Variants in PHACTR1 observed in about 807,000 individuals in gnomAD.
The protein encoded by PHACTR1 is phosphatase and actin regulator 1.
PHACTR1 carries 16 observed loss-of-function variants against 69.2 expected under a neutral mutation model. The observed-to-expected ratio is 0.23, with a 90% CI of 0.16 to 0.35. PHACTR1 has a LOEUF of 0.35. PHACTR1 is among the 10% of genes least tolerant of loss of function. PHACTR1 has a pLI of 1.00. For missense variants in PHACTR1, 510 were observed against 734.7 expected, an observed-to-expected ratio of 0.69 and a Z score of 3.54; for synonymous variants, 312 against 284.5, an observed-to-expected ratio of 1.10 and a Z score of -0.97.
intron 4 of PHACTR1, among the ~76,000 whole-genome samples, chr6:12,780,249 C>CTGTGTGTGTGTGTG (rs71552713): frequency 6.1e-5 from 9 of 147,452 alleles, no homozygotes; most frequent in African/African-American, 2.3e-4. Flanking sequence ...TATCTTTTCT[C>CTGTGTGTGTGTGTG]TGTGTGTGTG....
intron 4 of PHACTR1, among the ~76,000 whole-genome samples, chr6:12,885,182 G>T (rs1363836610): frequency 6.6e-6 from 1 of 152,176 alleles, no homozygotes; most frequent in Non-Finnish European, 1.5e-5. Context: ...AAGGTCCCGT[G>T]GAACTGCCTT....
intron 5 of PHACTR1, among the ~76,000 whole-genome samples, chr6:13,097,076 T>G (rs13200673): frequency 6.6e-6 from 1 of 152,126 alleles, no homozygotes; most frequent in Non-Finnish European, 1.5e-5. Flanking sequence ...GGAAACATAA[T>G]GCAAATTTTG....
At chr6:13,126,853 T>C (rs1408613501) in intron 5 of PHACTR1, among the ~76,000 whole-genome samples, 1 of 152,258 alleles carries the variant, frequency 6.6e-6, no homozygotes, top group Non-Finnish European at 1.5e-5. Flanking sequence ...GTCAAAACTT[T>C]ACTATATACA....
intron 10 of PHACTR1, among the ~76,000 whole-genome samples, chr6:13,258,030 T>G (rs555922748): frequency 1.3e-5 from 2 of 152,132 alleles, no homozygotes; most frequent in East Asian, 1.9e-4. Context: ...CAGTGCAGGT[T>G]TGAATTACCT....
rs1488785449 is a variant in PHACTR1 at position 13,260,426 on chromosome 6, G to A, written c.1392-12434G>A. 7.2e-5 allele frequency among the ~76,000 whole-genome samples: 11 copies of A among 152,138 alleles called. 1 individual carries two copies. The highest frequency in any genetic ancestry group is 1.3e-4 in the Non-Finnish European group (9 of 68,034). On this transcript the variant is annotated intron_variant, in intron 10 of 14. Coordinates refer to ENST00000332995, the MANE Select transcript of PHACTR1 (RefSeq NM_030948.6). The stretch of plus-strand genomic sequence containing the variant: ...GGAGTGAATTCAAGCATTATTCTTA[G>A]CGCAATGTCAGGCGGTGGAAGGCTG...
At chr6:12,905,053 T>C (rs1785578259) in intron 4 of PHACTR1, among the ~76,000 whole-genome samples, 1 of 152,176 alleles carries the variant, frequency 6.6e-6, no homozygotes, top group South Asian at 2.1e-4. Flanking sequence ...TCCATGTTTC[T>C]CAACCCTGCA....
At position 12,774,873 on chromosome 6, in the gene PHACTR1, A is replaced by G. The variant is rs540707487; in HGVS notation, c.250+25083A>G. Among the ~76,000 whole-genome samples, 4 of 152,340 alleles carry G rather than the reference A, an allele frequency of 2.6e-5. No individual in the cohort carries two copies. The South Asian group carries it at 8.3e-4, about 32-fold the overall frequency. The stretch of plus-strand genomic sequence containing the variant: ...TGGTGCCAGATCCAGTTAAGTTTTT[A>G]AAAGGCAAAGCCATTTCCAAATAAA... On this transcript the variant is annotated intron_variant, in intron 4 of 14. Coordinates refer to ENST00000332995, the MANE Select transcript of PHACTR1 (RefSeq NM_030948.6).
chr6:12,828,828 G>A (rs1777092754), intron 4 of PHACTR1, among the ~76,000 whole-genome samples: 1 of 152,172 alleles, frequency 6.6e-6, no homozygotes, highest in Non-Finnish European at 1.5e-5. Flanking sequence ...GTGGGGTGGG[G>A]TGGTTACGGA....
chr6:12,938,275 G>C (rs1249267136), intron 4 of PHACTR1, among the ~76,000 whole-genome samples: 6 of 152,096 alleles, frequency 3.9e-5, no homozygotes, highest in Non-Finnish European at 8.8e-5. Context: ...ACTCACCAAA[G>C]GTTACACAGA....
At position 12,847,944 on chromosome 6, in the gene PHACTR1, C is replaced by T. The variant is rs116556109; in HGVS notation, c.250+98154C>T. ...AGGTTTTGAAAATATTCACTATTTC[C>T]GGTATATTATCTTTTATTTGAACTT... On this transcript the variant is annotated intron_variant, in intron 4 of 14. Transcript: ENST00000332995. 1.9e-3 allele frequency among the ~76,000 whole-genome samples: 291 copies of T among 152,210 alleles called. 1 individual carries two copies. Among genetic ancestry groups the T allele is most frequent in the South Asian group, 3.9e-3 (19 of 4,814 alleles).
intron 5 of PHACTR1, among the ~76,000 whole-genome samples, chr6:13,083,085 G>A (rs1312237558): frequency 3.1e-4 from 47 of 152,216 alleles, no homozygotes; most frequent in South Asian, 1.7e-3. Flanking sequence ...TAGGTCTAAC[G>A]TGTAAGTCTT....
intron 7 of PHACTR1, among the ~76,000 whole-genome samples, chr6:13,191,101 CCCTCCATGT>C (rs2113778113): frequency 6.6e-6 from 1 of 152,288 alleles, no homozygotes; most frequent in South Asian, 2.1e-4. Context: ...ACATTCCCAA[CCCTCCATGT>C]CCTCCTCTCC....
At chr6:12,808,925 T>C (rs1415875140) in intron 4 of PHACTR1, among the ~76,000 whole-genome samples, 2 of 151,686 alleles carry the variant, frequency 1.3e-5, no homozygotes, top group Non-Finnish European at 2.9e-5. Flanking sequence ...TTGCCCAGGC[T>C]GGAGTGCAGT....
At chr6:12,858,399 A>C (rs1237770972) in intron 4 of PHACTR1, among the ~76,000 whole-genome samples, 1 of 152,222 alleles carries the variant, frequency 6.6e-6, no homozygotes, top group Non-Finnish European at 1.5e-5. Flanking sequence ...AGTTATTTAC[A>C]CTTTCAGGTT....
At chr6:13,003,153 A>G (rs1798293594) in intron 4 of PHACTR1, among the ~76,000 whole-genome samples, 1 of 152,208 alleles carries the variant, frequency 6.6e-6, no homozygotes, top group Non-Finnish European at 1.5e-5. Context: ...AGAAACTGGA[A>G]GAAGGACTTC....
At chr6:12,944,021 C>A (rs1433556385) in intron 4 of PHACTR1, among the ~76,000 whole-genome samples, 1 of 152,176 alleles carries the variant, frequency 6.6e-6, no homozygotes, top group African/African-American at 2.4e-5. Flanking sequence ...TGCCAAACTG[C>A]ATGTGGGATT....
intron 4 of PHACTR1, among the ~76,000 whole-genome samples, chr6:13,020,758 T>C (rs1358644704): frequency 6.6e-6 from 1 of 152,210 alleles, no homozygotes; most frequent in Non-Finnish European, 1.5e-5. Context: ...TATTATCCAC[T>C]TAAGATATGT....
chr6:13,006,356 C>T (rs1026657758), intron 4 of PHACTR1, among the ~76,000 whole-genome samples: 2 of 152,136 alleles, frequency 1.3e-5, no homozygotes, highest in Non-Finnish European at 2.9e-5. Context: ...ACTACCTAGC[C>T]GCTTTCTGAA....
rs1770100370 is a variant in PHACTR1, at chr6:13,228,053, A to G, written c.1224A>G (p.Ser408=). The G allele has an allele frequency of 6.2e-7, 1 of 1,611,718 alleles. No homozygotes were observed. The highest frequency in any genetic ancestry group is 8.5e-7 in the Non-Finnish European group (1 of 1,179,784). The change falls in exon 9 of 15, where the codon TCA becomes TCG. Residue 408 remains serine (S), a synonymous_variant. Transcript: ENST00000332995. ...AGGAGGACGAAGACGACGACAGCTC[A>G]TTATACACCAGTGCGTTCATCTTAA... The part of the protein sequence containing the change: ...EEEEDEDDDS[S]LYTSSLAMKV...
Sources: allele counts gnomAD v4.1 joint callset (sites outside exome capture counted in the v4.1 genomes callset), GRCh38; gene constraint gnomAD v4.1.1; transcripts MANE v1.5; gene names NCBI Gene and HGNC (gene_info 2026-07-23, HGNC 2026-07-21).